The following TANC2 variants were observed in gnomAD, a reference collection of about 807,000 sequenced individuals.
TANC2 encodes the protein tetratricopeptide repeat, ankyrin repeat and coiled-coil containing 2, also known as protein TANC2.
Under a neutral mutation model 210.5 loss-of-function variants are expected in TANC2, and 26 were observed. The ratio of observed to expected loss-of-function variants is 0.12; its 90% confidence interval spans 0.09 to 0.17. The LOEUF (loss-of-function observed/expected upper bound fraction) is 0.17. Ranked by LOEUF, TANC2 falls within the 10% of genes least tolerant of loss-of-function variation. TANC2 has a pLI of 1.00. For missense variants in TANC2, 2,129 were observed against 2,608.9 expected, an observed-to-expected ratio of 0.82 and a Z score of 4.01; for synonymous variants, 931 against 967.1, an observed-to-expected ratio of 0.96 and a Z score of 0.69.
intron 2 of TANC2, among the ~76,000 whole-genome samples, chr17:63,068,004 TCTATCA>T (rs2036262860): frequency 6.6e-6 from 1 of 152,186 alleles, no homozygotes; most frequent in Admixed American, 6.5e-5. Context: ...AAATTCATAC[TCTATCA>T]CTATGTGATC....
intron 2 of TANC2, among the ~76,000 whole-genome samples, chr17:63,055,986 AAAAAATATATATATATATAT>A (rs55963009): frequency 0.037 from 413 of 11,082 alleles, 2 homozygotes; most frequent in Middle Eastern, 0.077. Flanking sequence ...AAAAAAAAAA[AAAAAATATATATATATATAT>A]ATATATATAT....
In TANC2 at chr17:63,412,274, T is replaced by C. The variant is rs771192334; in HGVS notation, c.3898+144T>C. The C allele has an allele frequency of 1.4e-4, 174 of 1,247,592 alleles. 4 individuals carry two copies. The highest frequency in any genetic ancestry group is 6.9e-4 in the South Asian group (46 of 66,714). The allele number at this position is 1,247,592 out of a possible 1,614,324, so 77.3% of individuals were successfully genotyped here. On this transcript the variant is annotated intron_variant, in intron 23 of 27. Transcript: ENST00000689528. The surrounding 1 kb of genome is among the most constrained non-coding windows in gnomAD (Gnocchi z 4.2). ...TTATTGTCCAAGTGAACAGAGAGGC[T>C]CTTGGCCCAGGGAAAGCGCCATCTG... is the stretch of plus-strand genomic sequence containing the variant.
intron 5 of TANC2, among the ~76,000 whole-genome samples, chr17:63,193,741 T>A (rs564192210): frequency 2.2e-4 from 33 of 152,188 alleles, no homozygotes; most frequent in African/African-American, 4.8e-4. Context: ...TTAGGTAAAA[T>A]TTTTTTTCTG....
chr17:63,351,623 C>T (rs191333127), intron 13 of TANC2, among the ~76,000 whole-genome samples: 59 of 152,188 alleles, frequency 3.9e-4, no homozygotes, highest in African/African-American at 1.4e-3. Context: ...ATTTCTGTTG[C>T]TCTGGATGAG....
At chr17:63,030,209 A>G (rs1598283420) in intron 2 of TANC2, among the ~76,000 whole-genome samples, 1 of 152,188 alleles carries the variant, frequency 6.6e-6, no homozygotes, top group Admixed American at 6.6e-5. Context: ...TAGATCCCGT[A>G]GAGTCTCCTC....
At chr17:63,053,052 A>G (rs1216626395) in intron 2 of TANC2, among the ~76,000 whole-genome samples, 1 of 152,232 alleles carries the variant, frequency 6.6e-6, no homozygotes, top group South Asian at 2.1e-4. Context: ...ATTAGATTGT[A>G]TAACTCTAGT....
chr17:63,419,566 A>G (rs1254795861), intron 27 of TANC2, among the ~76,000 whole-genome samples: 2 of 152,218 alleles, frequency 1.3e-5, no homozygotes, highest in East Asian at 3.8e-4. Context: ...TGGAGCTAAA[A>G]TATTGAGAAT....
At position 63,099,025 on chromosome 17, in the gene TANC2, G is replaced by C. The variant is rs1231784574; in HGVS notation, c.140-150G>C. On this transcript the variant is annotated intron_variant, in intron 3 of 27. Transcript: ENST00000689528. Reference sequence around the variant, plus strand: ...TGCTAGACCTGGAATTGAGTACATAGTAAGTGTAGAAATGAATGCATGTAG... The same window carrying C: ...TGCTAGACCTGGAATTGAGTACATACTAAGTGTAGAAATGAATGCATGTAG... 6.5e-6 allele frequency: 5 copies of C among 769,896 alleles called. No individual in the cohort carries two copies. The African/African-American group carries it at 6.9e-5, about 11-fold the overall frequency. 47.7% of individuals were successfully genotyped at this position (769,896 alleles called of 1,614,324 possible).
At chr17:63,413,352 A>G (rs1015817955) in intron 24 of TANC2, 191 bp from the exon 25 acceptor site, 2 of 506,550 alleles carry the variant, frequency 3.9e-6, no homozygotes, top group Admixed American at 7.2e-5. Flanking sequence ...TTTTAAGGTG[A>G]ATACAAATCC....
In TANC2 at chr17:63,323,049, T is replaced by C. The variant is rs191995363; in HGVS notation, c.1575+3959T>C. ...ATGTTATCCCAGTTATTGTGCTACGTGTTACAGTTCAGCTACACAAAAGTG... is the reference window on the plus strand; with the variant it reads ...ATGTTATCCCAGTTATTGTGCTACGCGTTACAGTTCAGCTACACAAAAGTG... On this transcript the variant is annotated intron_variant, in intron 11 of 27. Coordinates refer to ENST00000689528, the Ensembl canonical transcript of TANC2. Among the ~76,000 whole-genome samples, 725 of 152,358 alleles carry C rather than the reference T, an allele frequency of 4.8e-3. 5 individuals are homozygous for C. Among genetic ancestry groups the C allele is most frequent in the African/African-American group, 0.017 (695 of 41,594 alleles).
intron 14 of TANC2, among the ~76,000 whole-genome samples, chr17:63,355,966 T>G (rs952088611): frequency 2.0e-5 from 3 of 152,128 alleles, no homozygotes; most frequent in Non-Finnish European, 2.9e-5. Flanking sequence ...TTATCTCCAT[T>G]TTGCTATAAA....
intron 9 of TANC2, among the ~76,000 whole-genome samples, chr17:63,293,321 A>G (rs1175041016): frequency 2.0e-5 from 3 of 152,224 alleles, no homozygotes; most frequent in Non-Finnish European, 2.9e-5. Context: ...TGTATGAAGC[A>G]CATGTGTTTT....
intron 5 of TANC2, among the ~76,000 whole-genome samples, chr17:63,179,205 A>G (rs1213560086): frequency 6.6e-6 from 1 of 152,212 alleles, no homozygotes; most frequent in African/African-American, 2.4e-5. Flanking sequence ...TCATTGTATC[A>G]TCAGATAATT....
chr17:63,299,323 G>T (rs1024044625), intron 9 of TANC2, among the ~76,000 whole-genome samples: 6 of 151,918 alleles, frequency 3.9e-5, no homozygotes, highest in Non-Finnish European at 8.8e-5. Flanking sequence ...GTATTTTTGG[G>T]TCTAGATCCT....
At chr17:63,019,392 A>AT (rs1009504345) in intron 2 of TANC2, among the ~76,000 whole-genome samples, 5 of 151,744 alleles carry the variant, frequency 3.3e-5, no homozygotes, top group African/African-American at 4.8e-5. Context: ...TAATTTTTGT[A>AT]TTTTTTGTAG....
chr17:63,290,320 T>G (rs1412417108), intron 9 of TANC2, among the ~76,000 whole-genome samples: 1 of 152,114 alleles, frequency 6.6e-6, no homozygotes, highest in Non-Finnish European at 1.5e-5. Context: ...CAAGTCAGGT[T>G]TTCCTACCCT....
At chr17:62,990,650 G>T (rs755316181) in intron 1 of TANC2, among the ~76,000 whole-genome samples, 6 of 152,150 alleles carry the variant, frequency 3.9e-5, no homozygotes, top group Non-Finnish European at 8.8e-5. Flanking sequence ...TAAAGGATGA[G>T]TTTCAAAATA....
At chr17:63,202,227 A>G (rs1487807041) in intron 7 of TANC2, among the ~76,000 whole-genome samples, 1 of 152,178 alleles carries the variant, frequency 6.6e-6, no homozygotes, top group African/African-American at 2.4e-5. Flanking sequence ...AGTTACCAAT[A>G]GACTCCTTTT....
chr17:63,388,013 G>C (rs1232894117), intron 15 of TANC2: 4 of 152,378 alleles, frequency 2.6e-5, no homozygotes, highest in African/African-American at 9.7e-5. Context: ...CAGATGTCTG[G>C]GCAGGCTCCT....
Sources: allele counts gnomAD v4.1 joint callset (sites outside exome capture counted in the v4.1 genomes callset), GRCh38; gene constraint gnomAD v4.1.1; non-coding constraint Gnocchi (gnomAD v3.1); transcripts MANE v1.5; gene names NCBI Gene and HGNC (gene_info 2026-07-23, HGNC 2026-07-21).